Variants in MACROD1 observed in about 807,000 individuals in gnomAD.
MACROD1 encodes the protein ADP-ribose glycohydrolase MACROD1.
In MACROD1, 31 loss-of-function variants were observed where a neutral mutation model predicts 41.4. The observed-to-expected ratio is 0.75, with a 90% CI of 0.56 to 1.01. MACROD1 has a LOEUF of 1.01. Ranked by LOEUF, MACROD1 falls within the 50% of genes least tolerant of loss-of-function variation. The pLI is 0.00. For synonymous variants in MACROD1, 252 were observed against 203.4 expected (o/e 1.24, Z -2.03); for missense variants, 473 against 460.0 (o/e 1.03, Z -0.26).
chr11:64,147,514 C>T (rs1228855187), intron 3 of MACROD1, among the ~76,000 whole-genome samples: 3 of 151,802 alleles, frequency 2.0e-5, no homozygotes, highest in Non-Finnish European at 2.9e-5. Context: ...CCTCAGCCTC[C>T]TGGGTTCAAG....
At chr11:64,144,968 G>C (rs1275903152) in intron 3 of MACROD1, among the ~76,000 whole-genome samples, 1 of 152,248 alleles carries the variant, frequency 6.6e-6, no homozygotes, top group Non-Finnish European at 1.5e-5. Context: ...GGGACAGCCG[G>C]ACGCAGGGGC....
chr11:64,102,503 C>T (rs189577016), intron 3 of MACROD1, among the ~76,000 whole-genome samples: 4 of 152,336 alleles, frequency 2.6e-5, no homozygotes, highest in Admixed American at 2.6e-4. Flanking sequence ...CATGGCGGCC[C>T]AGTTGGAGCC....
At chr11:64,056,116 G>T (rs565573176) in intron 3 of MACROD1, among the ~76,000 whole-genome samples, 1 of 152,148 alleles carries the variant, frequency 6.6e-6, no homozygotes, top group African/African-American at 2.4e-5. Context: ...CTCCACCCCC[G>T]GCAATAAGCA....
intron 2 of MACROD1, among the ~76,000 whole-genome samples, chr11:64,151,821 T>G (rs935917226): frequency 2.0e-5 from 3 of 152,154 alleles, no homozygotes; most frequent in East Asian, 1.9e-4. Flanking sequence ...AAAATTGCAC[T>G]TGTTGTGTTA....
chr11:64,081,440 G>T (rs1944301635), intron 3 of MACROD1, among the ~76,000 whole-genome samples: 1 of 152,212 alleles, frequency 6.6e-6, no homozygotes, highest in African/African-American at 2.4e-5. Context: ...TCCCAGCTGT[G>T]ACCCTCATAC....
rs1945833823 is a variant in MACROD1, at chr11:64,165,829, G to A, written c.166C>T (p.Arg56Trp). ...AFLGVFGRRARTSAGVGAWGA... is the reference protein window; with the variant it reads ...AFLGVFGRRAWTSAGVGAWGA... ...CACGCCCCAACTCCCGCCGAGGTCC[G>A]CGCACGGCGGCCGAACACGCCCAGG... The change falls in exon 1 of 11, where the codon CGG (arginine) becomes TGG (tryptophan). Residue 56 changes from arginine to tryptophan, a missense_variant. Transcript: ENST00000255681. The A allele has an allele frequency of 6.8e-7, 1 of 1,477,414 alleles. No homozygotes were observed. Among genetic ancestry groups the A allele is most frequent in the African/African-American group, 1.5e-5 (1 of 68,204 alleles). The allele number at this position is 1,477,414 out of a possible 1,614,324, so 91.5% of individuals were successfully genotyped here.
At chr11:64,128,564 A>G (rs1945219911) in intron 3 of MACROD1, among the ~76,000 whole-genome samples, 1 of 152,078 alleles carries the variant, frequency 6.6e-6, no homozygotes, top group Non-Finnish European at 1.5e-5. Context: ...TGAGGTAGAC[A>G]GGAGGGCAGG....
chr11:64,117,796 T>C, intron 3 of MACROD1: 2 of 1,614,176 alleles, frequency 1.2e-6, no homozygotes, highest in African/African-American at 1.3e-5. Context: ...ATGGTCACCA[T>C]GGAGACCAGC....
chr11:64,116,684 G>A, intron 3 of MACROD1: 2 of 1,613,792 alleles, frequency 1.2e-6, no homozygotes, highest in Non-Finnish European at 1.7e-6. Context: ...ACAACAATGT[G>A]CGCACCATTG....
At position 64,158,381 on chromosome 11, in the gene MACROD1, TA is replaced by T. The variant is rs1451374418; in HGVS notation, c.299-5989del. Among the ~76,000 whole-genome samples the T allele has an allele frequency of 3.3e-5, 5 of 152,302 alleles. No homozygotes were observed. In the South Asian group the frequency reaches 6.2e-4, roughly 19 times the overall value. ...CTGGGACCCATTCTGGGCCATGATATATAAAATCATTTCTTTTCTTTTCTTT... is the reference window on the plus strand; with the variant it reads ...CTGGGACCCATTCTGGGCCATGATATTAAAATCATTTCTTTTCTTTTCTTT... On this transcript the variant is annotated intron_variant, in intron 1 of 10. Transcript: ENST00000255681.
chr11:64,166,024 C>T lies in MACROD1; in HGVS notation c.-30G>A. ...GGGCGGCGCGGGACGGCTCTCCGCC[C>T]ACTTGGACTCTATTTACGGCGCTCG... On this transcript the variant is annotated 5_prime_UTR_variant, in exon 1 of 11. Transcript: ENST00000255681. 8.0e-7 allele frequency: 1 copy of T among 1,252,680 alleles called. No homozygotes were observed. The highest frequency in any genetic ancestry group is 1.0e-6 in the Non-Finnish European group (1 of 1,001,372). 77.6% of individuals were successfully genotyped at this position (1,252,680 alleles called of 1,614,324 possible).
chr11:64,048,233 G>A (rs1020032965), intron 3 of MACROD1, among the ~76,000 whole-genome samples: 6 of 152,228 alleles, frequency 3.9e-5, no homozygotes, highest in Admixed American at 3.9e-4. Flanking sequence ...CTCAGCTCCC[G>A]CCGGCAGCTA....
rs537487944 is a variant in MACROD1 at position 64,010,864 on chromosome 11, G to A, written c.547+4388C>T. On this transcript the variant is annotated intron_variant, in intron 4 of 10. Transcript: ENST00000255681. ...CATGTTGGCTGGAGTGTTGGTTGGG[G>A]TGTTTGCTGGTGTATTGTTTGGGGT... is the stretch of plus-strand genomic sequence containing the variant. Among the ~76,000 whole-genome samples the A allele has an allele frequency of 2.6e-3, 372 of 145,830 alleles. 3 individuals are homozygous for A. The highest frequency in any genetic ancestry group is 6.0e-3 in the Admixed American group (89 of 14,822).
At chr11:64,011,081 T>C (rs930077867) in intron 4 of MACROD1, among the ~76,000 whole-genome samples, 3 of 141,556 alleles carry the variant, frequency 2.1e-5, no homozygotes, top group African/African-American at 8.0e-5. Flanking sequence ...TGTTGAAGTG[T>C]TGGCTGGGGT....
intron 3 of MACROD1, among the ~76,000 whole-genome samples, chr11:64,026,729 C>T (rs1186835216): frequency 6.6e-6 from 1 of 152,166 alleles, no homozygotes; most frequent in Non-Finnish European, 1.5e-5. Flanking sequence ...ATTTCCTGGC[C>T]TCTTTTCTCT....
chr11:64,051,277 CT>C (rs1455006426), intron 3 of MACROD1, among the ~76,000 whole-genome samples: 1 of 152,212 alleles, frequency 6.6e-6, no homozygotes, highest in Admixed American at 6.5e-5. Flanking sequence ...AGGGGAGGGG[CT>C]GGTCCCTCTT....
intron 3 of MACROD1, among the ~76,000 whole-genome samples, chr11:64,115,682 T>C (rs1944964781): frequency 6.6e-6 from 1 of 152,198 alleles, no homozygotes; most frequent in Non-Finnish European, 1.5e-5. Context: ...CCTTTTGAGC[T>C]CCTGGGCCTT....
intron 3 of MACROD1, chr11:64,116,512 ATGC>A: frequency 6.2e-7 from 1 of 1,613,898 alleles, no homozygotes. Context: ...ATCCCTGATG[ATGC>A]CACCACCCTC....
rs529457260 is a variant in MACROD1 at position 64,146,796 on chromosome 11, C to T, written c.517+4443G>A. 2.0e-5 allele frequency among the ~76,000 whole-genome samples: 3 copies of T among 151,598 alleles called. No homozygotes were observed. The highest frequency in any genetic ancestry group is 3.9e-4 in the East Asian group (2 of 5,164). On this transcript the variant is annotated intron_variant, in intron 3 of 10. Transcript: ENST00000255681. The surrounding 1 kb of genome is among the most constrained non-coding windows in gnomAD (Gnocchi z 4.7). ...ATCACACACATCATACAAATGCATA[C>T]GCACACCCCACACACATAGGCCAAA...
Sources: gnomAD v4.1 joint callset for allele counts (sites outside exome capture counted in the v4.1 genomes callset) on GRCh38, gnomAD v4.1.1 for gene constraint, Gnocchi (gnomAD v3.1) non-coding constraint, MANE v1.5 for transcripts, NCBI Gene and HGNC (gene_info 2026-07-23, HGNC 2026-07-21) for gene names.